Variants in DPY19L3 observed in about 807,000 individuals in gnomAD.
The protein encoded by DPY19L3 is dpy-19 like C-mannosyltransferase 3, also known as protein C-mannosyl-transferase DPY19L3.
A neutral mutation model predicts 92.3 loss-of-function variants in DPY19L3; 51 were observed. The ratio of observed to expected loss-of-function variants is 0.55; its 90% confidence interval spans 0.44 to 0.70. The LOEUF (loss-of-function observed/expected upper bound fraction) is 0.70. Among genes scored for constraint, DPY19L3 ranks in the 30% least tolerant of loss-of-function variants. The pLI is 0.00. For missense variants in DPY19L3, 706 were observed against 855.9 expected (o/e 0.82, Z 2.18); for synonymous variants, 309 against 315.2 (o/e 0.98, Z 0.21).
intron 2 of DPY19L3, among the ~76,000 whole-genome samples, chr19:32,408,674 G>A (rs898593116): frequency 1.3e-5 from 2 of 152,052 alleles, no homozygotes; most frequent in East Asian, 3.8e-4. Flanking sequence ...TTTTCTGGTC[G>A]TGTATACTAT....
intron 3 of DPY19L3, among the ~76,000 whole-genome samples, chr19:32,420,613 C>T (rs1968537406): frequency 6.6e-6 from 1 of 151,958 alleles, no homozygotes; most frequent in Non-Finnish European, 1.5e-5. Flanking sequence ...CCGTGCCCAG[C>T]TAACTTTTGT....
Position 32,485,798 on chromosome 19 carries a change from A to ATT in DPY19L3, c.*3558_*3559insTT, listed in dbSNP as rs1332020470. The ATT allele has an allele frequency of 6.6e-6, 1 of 152,298 alleles. No individual in the cohort carries two copies. The highest frequency in any genetic ancestry group is 1.9e-4 in the East Asian group (1 of 5,178). The allele number at this position is 152,298 out of a possible 1,614,324, so 9.4% of individuals were successfully genotyped here. ...GTGGCAATTGATTTTCTGTTTTAAC[A>ATT]CCCTTTGGGTAAAATCTTGCAAAGA... On this transcript the variant is annotated 3_prime_UTR_variant, in exon 19 of 19. Transcript: ENST00000392250.
chr19:32,466,530 G>A (rs723935), intron 15 of DPY19L3, among the ~76,000 whole-genome samples: 1 of 152,180 alleles, frequency 6.6e-6, no homozygotes, highest in South Asian at 2.1e-4. Context: ...ATTGAAGCAC[G>A]TCTCCCCTGG....
At chr19:32,454,532 C>A (rs1347299555) in intron 9 of DPY19L3, among the ~76,000 whole-genome samples, 1 of 152,168 alleles carries the variant, frequency 6.6e-6, no homozygotes, top group Non-Finnish European at 1.5e-5. Context: ...GGAGATTGCT[C>A]TGCTGCCCTC....
rs1237298849 is a variant in DPY19L3, at chr19:32,482,072, G to A, written c.1990-7G>A. On this transcript the variant is annotated splice_polypyrimidine_tract_variant and splice_region_variant and intron_variant, in intron 18 of 18. Coordinates refer to ENST00000392250, the MANE Select transcript of DPY19L3 (RefSeq NM_001172774.2). ...CCAAATTGTATTTGGGTTTGTTTTG[G>A]TTTTAGATGATGGATGGCCCAGGAG... 6.2e-7 allele frequency: 1 copy of A among 1,607,418 alleles called. No homozygotes were observed. The highest frequency in any genetic ancestry group is 8.5e-7 in the Non-Finnish European group (1 of 1,178,038).
rs1970633280 is a variant in DPY19L3 at position 32,480,301 on chromosome 19, A to G, written c.1831-98A>G. On this transcript the variant is annotated intron_variant, in intron 17 of 18. Transcript: ENST00000392250. ...GGCTGGAGAGAGCACCTTGGGTGTT[A>G]GGTCTTAGACTCAGCCCTGTGGAAG... 3 of 1,351,174 alleles carry G rather than the reference A, an allele frequency of 2.2e-6. No individual in the cohort carries two copies. In the East Asian group the frequency reaches 7.4e-5, roughly 33 times the overall value. The allele number at this position is 1,351,174 out of a possible 1,614,324, so 83.7% of individuals were successfully genotyped here. A position where few individuals can be genotyped will look rare whatever the true frequency, so the allele number is the denominator to read the frequency against.
At chr19:32,455,128 A>G (rs1378635732) in intron 10 of DPY19L3, 88 bp downstream of exon 10, 12 of 921,398 alleles carry the variant, frequency 1.3e-5, no homozygotes, top group Non-Finnish European at 1.9e-5. Context: ...TTTCTTTTTT[A>G]ATAAACTAAT....
At position 32,408,278 on chromosome 19, in the gene DPY19L3, G is replaced by C. The variant is rs752325290; in HGVS notation, c.25G>C (p.Glu9Gln). The change falls in exon 2 of 19, where the codon GAA becomes CAA. Residue 9 changes from glutamate (E) to glutamine (Q), a missense_variant. Transcript: ENST00000392250. Reference sequence around the variant, plus strand: ...CATGATGTCCATCCGGCAAAGAAGAGAAATAAGAGCCACAGAAGTTTCTGA... The same window carrying C: ...CATGATGTCCATCCGGCAAAGAAGACAAATAAGAGCCACAGAAGTTTCTGA... MMSIRQRR[E>Q]IRATEVSEDF... 3 of 1,613,192 alleles carry C rather than the reference G, an allele frequency of 1.9e-6. No individual in the cohort carries two copies. Among genetic ancestry groups the C allele is most frequent in the Non-Finnish European group, 2.5e-6 (3 of 1,179,916 alleles).
chr19:32,425,361 G>A (rs562748805), intron 3 of DPY19L3, among the ~76,000 whole-genome samples: 1 of 152,160 alleles, frequency 6.6e-6, no homozygotes, highest in African/African-American at 2.4e-5. Flanking sequence ...GACCAGCCGG[G>A]CCAAAATAGT....
intron 2 of DPY19L3, among the ~76,000 whole-genome samples, chr19:32,408,938 G>A (rs1968081184): frequency 6.6e-6 from 1 of 152,012 alleles, no homozygotes. Context: ...TGTAACTAAA[G>A]CATGGTCAGG....
intron 8 of DPY19L3, among the ~76,000 whole-genome samples, chr19:32,441,051 C>T (rs889394100): frequency 6.6e-6 from 1 of 152,158 alleles, no homozygotes; most frequent in Non-Finnish European, 1.5e-5. Flanking sequence ...TCCTACACTG[C>T]TGGTAACCTA....
At chr19:32,482,036 G>C in intron 18 of DPY19L3, 43 bp from the exon 19 acceptor site, 1 of 1,596,060 alleles carries the variant, frequency 6.3e-7, no homozygotes, top group South Asian at 1.1e-5. Context: ...TTTGTAAATA[G>C]AATTTTCCCC....
At chr19:32,448,028 AC>A (rs1969573668) in intron 8 of DPY19L3, among the ~76,000 whole-genome samples, 1 of 152,174 alleles carries the variant, frequency 6.6e-6, no homozygotes, top group African/African-American at 2.4e-5. Flanking sequence ...AGTGATAGAT[AC>A]ACGAAAAGCC....
chr19:32,427,968 C>CTTTTTTT (rs35644896), intron 3 of DPY19L3: 3 of 103,844 alleles, frequency 2.9e-5, no homozygotes, highest in Admixed American at 1.1e-4. Flanking sequence ...GTAAACAAAT[C>CTTTTTTT]TTTTTTTTTT....
At chr19:32,467,592 G>A (rs1970236903) in intron 15 of DPY19L3, 1 of 987,596 alleles carries the variant, frequency 1.0e-6, no homozygotes, top group Non-Finnish European at 1.2e-6. Context: ...CAAAAAAACA[G>A]TGATAGGTCT....
intron 3 of DPY19L3, among the ~76,000 whole-genome samples, chr19:32,429,669 T>C (rs1761202717): frequency 1.3e-5 from 2 of 152,212 alleles, no homozygotes; most frequent in African/African-American, 4.8e-5. Flanking sequence ...TTTCATTCTT[T>C]ATTGGCTCTC....
In DPY19L3 at chr19:32,432,628, G is replaced by C. The variant is rs58378515; in HGVS notation, c.238-88G>C. On this transcript the variant is annotated intron_variant, in intron 3 of 18. Transcript: ENST00000392250. Reference sequence around the variant, plus strand: ...ATTTTCAGAGTTTTTTCTCTTTCAAGTTGCAGTTATGTATCCTTTCTACAG... The same window carrying C: ...ATTTTCAGAGTTTTTTCTCTTTCAACTTGCAGTTATGTATCCTTTCTACAG... 1.0e-4 allele frequency: 111 copies of C among 1,090,976 alleles called. 1 individual carries two copies. The highest frequency in any genetic ancestry group is 8.5e-4 in the East Asian group (34 of 40,114). The allele number at this position is 1,090,976 out of a possible 1,614,324, so 67.6% of individuals were successfully genotyped here.
intron 4 of DPY19L3, among the ~76,000 whole-genome samples, chr19:32,434,616 GCTA>G (rs1194897695): frequency 1.3e-5 from 2 of 152,148 alleles, no homozygotes; most frequent in Admixed American, 6.5e-5. Context: ...CCGAGATCAC[GCTA>G]CTGCACTCCA....
At chr19:32,446,104 G>T (rs1167035184) in intron 8 of DPY19L3, among the ~76,000 whole-genome samples, 1 of 152,122 alleles carries the variant, frequency 6.6e-6, no homozygotes, top group African/African-American at 2.4e-5. Context: ...AATGGGAAGG[G>T]TAATGAGACT....
Sources: allele counts gnomAD v4.1 joint callset (sites outside exome capture counted in the v4.1 genomes callset), GRCh38; gene constraint gnomAD v4.1.1; transcripts MANE v1.5; gene names NCBI Gene and HGNC (gene_info 2026-07-23, HGNC 2026-07-21).